Variants in RFX3 observed in about 807,000 individuals in gnomAD.
RFX3 encodes transcription factor RFX3.
Under a neutral mutation model 98.6 loss-of-function variants are expected in RFX3, and 14 were observed. The observed-to-expected ratio is 0.14, with a 90% CI of 0.09 to 0.22. The LOEUF is 0.22. Ranked by LOEUF, RFX3 falls within the 10% of genes least tolerant of loss-of-function variation. The pLI is 1.00. For missense variants in RFX3, 639 were observed against 926.9 expected, an observed-to-expected ratio of 0.69 and a Z score of 4.03; for synonymous variants, 383 against 328.4, an observed-to-expected ratio of 1.17 and a Z score of -1.80.
At chr9:3,427,377 T>C (rs1341014977) in intron 1 of RFX3, among the ~76,000 whole-genome samples, 1 of 141,652 alleles carries the variant, frequency 7.1e-6, no homozygotes, top group Non-Finnish European at 1.5e-5. Context: ...ATATTGTTAT[T>C]ATATAATAAT....
chr9:3,275,748 TATTAATATTTTACAA>T, intron 8 of RFX3, 136 bp from the exon 9 acceptor site: 1 of 531,068 alleles, frequency 1.9e-6, no homozygotes, highest in Non-Finnish European at 3.4e-6. Context: ...GGACATTTTA[TATTAATATTTTACAA>T]GTAAAACTAA....
chr9:3,292,403 A>G (rs1171621321), intron 6 of RFX3, among the ~76,000 whole-genome samples: 4 of 152,172 alleles, frequency 2.6e-5, no homozygotes, highest in East Asian at 1.9e-4. Flanking sequence ...ACTTCTTCAC[A>G]TTGTTTCAAT....
chr9:3,229,015 T>C, intron 15 of RFX3, 126 bp from the exon 16 acceptor site: 1 of 639,614 alleles, frequency 1.6e-6, no homozygotes, highest in East Asian at 2.9e-5. Flanking sequence ...CATTTTGATC[T>C]CTAATTACAT....
chr9:3,286,698 T>C (rs1475560675), intron 7 of RFX3, among the ~76,000 whole-genome samples: 1 of 151,942 alleles, frequency 6.6e-6, no homozygotes, highest in African/African-American at 2.4e-5. Context: ...CTTATTAGCT[T>C]TACATACAAG....
At chr9:3,477,195 G>A (rs1351931813) in intron 1 of RFX3, among the ~76,000 whole-genome samples, 1 of 152,036 alleles carries the variant, frequency 6.6e-6, no homozygotes, top group African/African-American at 2.4e-5. Context: ...CAAAAGACAT[G>A]GATTTAGAGC....
chr9:3,492,584 C>T (rs781687799), intron 1 of RFX3, among the ~76,000 whole-genome samples: 6 of 152,166 alleles, frequency 3.9e-5, no homozygotes, highest in African/African-American at 1.4e-4. Flanking sequence ...CTCAACTCTA[C>T]GCCTACAGGG....
Position 3,248,897 on chromosome 9 carries a change from T to C in RFX3, c.1815-712A>G, listed in dbSNP as rs142074578. Reference sequence around the variant, plus strand: ...GAAAATATAAGCAATATTTATAAAATACTTATAATAAACTCTATTATATTT... The same window carrying C: ...GAAAATATAAGCAATATTTATAAAACACTTATAATAAACTCTATTATATTT... On this transcript the variant is annotated intron_variant, in intron 14 of 16. Transcript: ENST00000617270. Among the ~76,000 whole-genome samples the C allele has an allele frequency of 5.7e-4, 87 of 152,270 alleles. 1 individual carries two copies. The highest frequency in any genetic ancestry group is 1.6e-4 in the Non-Finnish European group (11 of 68,004).
At chr9:3,457,851 A>C (rs1296141791) in intron 1 of RFX3, among the ~76,000 whole-genome samples, 2 of 152,062 alleles carry the variant, frequency 1.3e-5, no homozygotes, top group Non-Finnish European at 2.9e-5. Context: ...CCTGAGATCT[A>C]TCTAGTCGCT....
At chr9:3,458,935 AG>A (rs1847444437) in intron 1 of RFX3, among the ~76,000 whole-genome samples, 1 of 152,190 alleles carries the variant, frequency 6.6e-6, no homozygotes, top group African/African-American at 2.4e-5. Context: ...TGCCAAGAAT[AG>A]TATTGAAAAC....
At chr9:3,344,277 A>G (rs959226933) in intron 3 of RFX3, among the ~76,000 whole-genome samples, 1 of 152,188 alleles carries the variant, frequency 6.6e-6, no homozygotes, top group African/African-American at 2.4e-5. Flanking sequence ...TGAGTATCCT[A>G]TATCCAAAAT....
At chr9:3,462,025 T>G (rs1847738342) in intron 1 of RFX3, among the ~76,000 whole-genome samples, 1 of 151,976 alleles carries the variant, frequency 6.6e-6, no homozygotes, top group African/African-American at 2.4e-5. Context: ...CATAATTAAG[T>G]TGGGGTTTAC....
chr9:3,514,695 C>T (rs1817982448), intron 1 of RFX3, among the ~76,000 whole-genome samples: 1 of 152,148 alleles, frequency 6.6e-6, no homozygotes, highest in African/African-American at 2.4e-5. Context: ...GGGATTCTCC[C>T]ATCTCAGCCT....
chr9:3,504,880 TA>T (rs1816671270), intron 1 of RFX3, among the ~76,000 whole-genome samples: 1 of 71,384 alleles, frequency 1.4e-5, no homozygotes, highest in African/African-American at 7.7e-5. Context: ...TTATATATAT[TA>T]TATATAATAT....
intron 10 of RFX3, 179 bp from the exon 11 acceptor site, chr9:3,270,704 C>A: frequency 1.5e-6 from 1 of 678,976 alleles, no homozygotes; most frequent in Non-Finnish European, 2.4e-6. Context: ...ATAAAACACT[C>A]CCCCAGAGCT....
chr9:3,247,228 T>C, intron 15 of RFX3: 4 of 965,436 alleles, frequency 4.1e-6, no homozygotes, highest in Non-Finnish European at 4.8e-6. Context: ...CATTTGCATC[T>C]ATTCCTCATT....
intron 1 of RFX3, among the ~76,000 whole-genome samples, chr9:3,450,311 C>T (rs868193753): frequency 6.6e-6 from 1 of 152,008 alleles, no homozygotes; most frequent in Non-Finnish European, 1.5e-5. Flanking sequence ...TAACAGGGAA[C>T]GTCTCTTTAA....
At chr9:3,385,700 A>G (rs576695296) in intron 2 of RFX3, among the ~76,000 whole-genome samples, 18 of 145,424 alleles carry the variant, frequency 1.2e-4, no homozygotes, top group Middle Eastern at 3.6e-3. Flanking sequence ...AAAAAAAAAA[A>G]AAAAGAAAAG....
In RFX3 at chr9:3,489,358, GCTT is replaced by G. The variant is rs1003888209; in HGVS notation, c.-9+36386_-9+36388del. 1.9e-4 allele frequency: 170 copies of G among 911,998 alleles called. No individual in the cohort carries two copies. The African/African-American group carries it at 2.8e-3, about 15-fold the overall frequency. The allele number at this position is 911,998 out of a possible 1,614,324, so 56.5% of individuals were successfully genotyped here. On this transcript the variant is annotated intron_variant, in intron 1 of 16. Transcript: ENST00000617270. The stretch of plus-strand genomic sequence containing the variant: ...ACCTATCCACCCCACCCTGACTCCT[GCTT>G]TTTTCACCTTTCTGAATGGCAGTGG...
At chr9:3,413,142 A>G (rs928572053) in intron 1 of RFX3, among the ~76,000 whole-genome samples, 5 of 151,820 alleles carry the variant, frequency 3.3e-5, no homozygotes, top group African/African-American at 4.8e-5. Flanking sequence ...TTTTTCAGTT[A>G]CAACCTATTC....
Sources: allele counts gnomAD v4.1 joint callset (sites outside exome capture counted in the v4.1 genomes callset), GRCh38; gene constraint gnomAD v4.1.1; transcripts MANE v1.5; gene names NCBI Gene and HGNC (gene_info 2026-07-23, HGNC 2026-07-21).